PCDHA1: variants seen among roughly 807,000 people sequenced by gnomAD.
PCDHA1 encodes protocadherin alpha 1.
A neutral mutation model predicts 61.3 loss-of-function variants in PCDHA1; 42 were observed. That is an observed-to-expected ratio of 0.69 (90% CI 0.54 to 0.89). PCDHA1 has a LOEUF of 0.89. PCDHA1 is among the 40% of genes least tolerant of loss of function. PCDHA1 has a pLI of 0.00. For missense variants in PCDHA1, 1,256 were observed against 1,235.3 expected, an observed-to-expected ratio of 1.02 and a Z score of -0.25; for synonymous variants, 610 against 553.8, an observed-to-expected ratio of 1.10 and a Z score of -1.43.
At chr5:140,876,181 G>A in intron 1 of PCDHA1, 9 of 1,613,980 alleles carry the variant, frequency 5.6e-6, no homozygotes, top group Non-Finnish European at 7.6e-6. Flanking sequence ...GGATGTGAAT[G>A]ACAATGGTCC....
chr5:140,807,797 G>C, intron 1 of PCDHA1: 1 of 1,614,150 alleles, frequency 6.2e-7, no homozygotes, highest in Non-Finnish European at 8.5e-7. Context: ...AGACAGAGAA[G>C]AAGCTCCGGA....
At chr5:140,834,407 C>T (rs1554134157) in intron 1 of PCDHA1, 1 of 1,609,944 alleles carries the variant, frequency 6.2e-7, no homozygotes, top group East Asian at 2.2e-5. Context: ...ATGGATACGA[C>T]CCAGGGGGCC....
In PCDHA1 at chr5:140,822,935, C is replaced by T. The variant is rs2150120520; in HGVS notation, c.2394+34251C>T. ...GGTGCCAACGGGCAGGTGACCTGCT[C>T]CCTAATGCCCCACGTTCCCTTCAAG... is the stretch of plus-strand genomic sequence containing the variant. On this transcript the variant is annotated intron_variant, in intron 1 of 3. Coordinates refer to ENST00000504120, the MANE Select transcript of PCDHA1 (RefSeq NM_018900.4). 9 of 1,614,240 alleles carry T rather than the reference C, an allele frequency of 5.6e-6. No individual in the cohort carries two copies. In the South Asian group the frequency reaches 8.8e-5, roughly 16 times the overall value.
intron 1 of PCDHA1, among the ~76,000 whole-genome samples, chr5:140,879,217 G>A (rs1163771659): frequency 6.6e-6 from 1 of 152,164 alleles, no homozygotes; most frequent in African/African-American, 2.4e-5. Context: ...GAAATGAATT[G>A]AAAAAGACAT....
intron 1 of PCDHA1, chr5:140,796,457 G>C: frequency 6.2e-7 from 1 of 1,612,758 alleles, no homozygotes; most frequent in Non-Finnish European, 8.5e-7. Flanking sequence ...GTGGAGCGGC[G>C]GGTGGGCGAG....
intron 1 of PCDHA1, among the ~76,000 whole-genome samples, chr5:140,819,231 C>T (rs1173348496): frequency 6.6e-6 from 1 of 152,110 alleles, no homozygotes; most frequent in Admixed American, 6.5e-5. Flanking sequence ...TTCAACATTT[C>T]CTCTTCTCTG....
intron 1 of PCDHA1, chr5:140,869,893 C>T (rs375422597): frequency 6.2e-7 from 1 of 1,610,510 alleles, no homozygotes; most frequent in Admixed American, 1.7e-5. Flanking sequence ...TGTGCTCAAA[C>T]TAAACGCCAC....
At chr5:140,909,772 A>T (rs2074681843) in intron 1 of PCDHA1, among the ~76,000 whole-genome samples, 1 of 152,166 alleles carries the variant, frequency 6.6e-6, no homozygotes, top group Non-Finnish European at 1.5e-5. Context: ...CCAGGGACCC[A>T]CTGGACCCAC....
Position 140,883,261 on chromosome 5 carries a change from G to A in PCDHA1, c.2394+94577G>A, listed in dbSNP as rs148578758. The A allele has an allele frequency of 8.1e-5, 131 of 1,613,912 alleles. No individual in the cohort carries two copies. In the African/African-American group the frequency reaches 1.7e-3, roughly 21 times the overall value. On this transcript the variant is annotated intron_variant, in intron 1 of 3. Transcript: ENST00000504120. Reference sequence around the variant, plus strand: ...TTGACAAAGGAAATATTCCAATGGCGGGTCATTGTACCCTTTTGGTGGAAG... The same window carrying A: ...TTGACAAAGGAAATATTCCAATGGCAGGTCATTGTACCCTTTTGGTGGAAG...
At chr5:140,848,823 G>C in intron 1 of PCDHA1, 1 of 1,590,794 alleles carries the variant, frequency 6.3e-7, no homozygotes, top group South Asian at 1.1e-5. Context: ...GGAGGTGATC[G>C]TAGACAGGCC....
At chr5:140,829,555 G>A in intron 1 of PCDHA1, 1 of 1,612,836 alleles carries the variant, frequency 6.2e-7, no homozygotes, top group Non-Finnish European at 8.5e-7. Context: ...AGGAGAACGC[G>A]CTGGTGTCCT....
chr5:140,934,262 TAATC>T (rs1554209807), intron 1 of PCDHA1, among the ~76,000 whole-genome samples: 1 of 152,136 alleles, frequency 6.6e-6, no homozygotes, highest in Non-Finnish European at 1.5e-5. Flanking sequence ...AAATTAATAA[TAATC>T]AGTGCTTCAT....
chr5:140,985,759 T>TTTTA (rs2097169056), intron 3 of PCDHA1, among the ~76,000 whole-genome samples: 2 of 149,086 alleles, frequency 1.3e-5, no homozygotes, highest in East Asian at 2.0e-4. Context: ...TTTTTTTTTT[T>TTTTA]GAGACAGTCT....
At chr5:140,828,152 C>T (rs2150151411) in intron 1 of PCDHA1, 7 of 1,614,146 alleles carry the variant, frequency 4.3e-6, no homozygotes, top group Middle Eastern at 1.7e-4. Context: ...GCTTCTGCTC[C>T]TCGCAGCCTG....
At chr5:140,936,433 G>A (rs907839925) in intron 1 of PCDHA1, among the ~76,000 whole-genome samples, 4 of 152,126 alleles carry the variant, frequency 2.6e-5, no homozygotes, top group Admixed American at 2.6e-4. Flanking sequence ...ATTAATTTAA[G>A]CTTAAATAAC....
In PCDHA1 at chr5:140,994,514, G is replaced by A. The variant is rs186617066; in HGVS notation, c.2542+11951G>A. On this transcript the variant is annotated intron_variant, in intron 3 of 3. Transcript: ENST00000504120. Reference sequence around the variant, plus strand: ...ACCCAGGAGTTTGAGAACAGCCTGGGCAACATGGCAAAACCCCATCTCTAC... The same window carrying A: ...ACCCAGGAGTTTGAGAACAGCCTGGACAACATGGCAAAACCCCATCTCTAC... Among the ~76,000 whole-genome samples, 76 of 150,406 alleles carry A rather than the reference G, an allele frequency of 5.1e-4. 1 individual carries two copies. The highest frequency in any genetic ancestry group is 8.8e-5 in the Non-Finnish European group (6 of 67,822).
At chr5:140,797,845 A>G (rs1311716137) in intron 1 of PCDHA1, among the ~76,000 whole-genome samples, 1 of 150,054 alleles carries the variant, frequency 6.7e-6, no homozygotes, top group Non-Finnish European at 1.5e-5. Context: ...AATAAGCTAC[A>G]TTTTTTTTTT....
At position 140,848,955 on chromosome 5, in the gene PCDHA1, C is replaced by T. The variant is rs2150426444; in HGVS notation, c.2394+60271C>T. On this transcript the variant is annotated intron_variant, in intron 1 of 3. Coordinates refer to ENST00000504120, the MANE Select transcript of PCDHA1 (RefSeq NM_018900.4). ...CAGGCCGCTTGACTCTCGGTTTCCA[C>T]TAGAGGGCGCGTCCGATGCAGATAT... 9.1e-5 allele frequency: 146 copies of T among 1,606,852 alleles called. 6 individuals are homozygous for T. Among genetic ancestry groups the T allele is most frequent in the Middle Eastern group, 1.7e-4 (1 of 6,060 alleles).
intron 3 of PCDHA1, among the ~76,000 whole-genome samples, chr5:140,984,059 C>A (rs1269975627): frequency 6.6e-6 from 1 of 152,108 alleles, no homozygotes; most frequent in East Asian, 1.9e-4. Flanking sequence ...CAAATCTGTA[C>A]CCTCAGTGCC....
Sources: allele counts gnomAD v4.1 joint callset (sites outside exome capture counted in the v4.1 genomes callset), GRCh38; gene constraint gnomAD v4.1.1; transcripts MANE v1.5; gene names NCBI Gene and HGNC (gene_info 2026-07-23, HGNC 2026-07-21).